Variants in GALNT13 observed in about 807,000 individuals in gnomAD.
GALNT13 encodes the protein UDP-GalNAc:polypeptide N-acetylgalactosaminyltransferase 13.
In GALNT13, 28 loss-of-function variants were observed where a neutral mutation model predicts 64.2. The observed-to-expected ratio is 0.44, with a 90% CI of 0.32 to 0.60. The LOEUF (loss-of-function observed/expected upper bound fraction) is 0.60, where lower values mean the gene tolerates loss of function less well. Among genes scored for constraint, GALNT13 ranks in the 20% least tolerant of loss-of-function variants. GALNT13 has a pLI of 0.05. For missense variants in GALNT13, 577 were observed against 669.8 expected (o/e 0.86, Z 1.53); for synonymous variants, 214 against 224.6 (o/e 0.95, Z 0.42).
chr2:153,759,249 A>G, the GALNT13 span, among the ~76,000 whole-genome samples: 1 of 152,160 alleles, frequency 6.6e-6, no homozygotes, highest in Non-Finnish European at 1.5e-5. Flanking sequence ...CCAAACATGA[A>G]CAATTTTCTT....
At chr2:154,210,945 T>TA (rs1687724872) in intron 4 of GALNT13, among the ~76,000 whole-genome samples, 1 of 152,142 alleles carries the variant, frequency 6.6e-6, no homozygotes, top group Non-Finnish European at 1.5e-5. Context: ...TTAATGAATG[T>TA]ATGTATTATT....
chr2:154,363,408 G>T (rs145532247), intron 9 of GALNT13, among the ~76,000 whole-genome samples: 3 of 152,216 alleles, frequency 2.0e-5, no homozygotes, highest in African/African-American at 7.2e-5. Flanking sequence ...TTATTCTGTG[G>T]ATTTCTGCAG....
At chr2:154,287,472 A>G (rs1692337662) in intron 8 of GALNT13, 1 of 358,464 alleles carries the variant, frequency 2.8e-6, no homozygotes, top group Non-Finnish European at 5.4e-6. Context: ...GCCACAGCCC[A>G]GTGATTCTTA....
the GALNT13 span, among the ~76,000 whole-genome samples, chr2:153,642,252 G>A: frequency 9.2e-5 from 14 of 151,754 alleles, no homozygotes; most frequent in Middle Eastern, 3.4e-3. Context: ...AGTATTTAAC[G>A]CTTTTCCAAG....
At chr2:153,569,852 C>T in the GALNT13 span, among the ~76,000 whole-genome samples, 1 of 152,098 alleles carries the variant, frequency 6.6e-6, no homozygotes, top group African/African-American at 2.4e-5. Context: ...ACTACCCTAC[C>T]CAGCCTGCAC....
At chr2:154,236,936 T>G (rs1053794487) in intron 4 of GALNT13, among the ~76,000 whole-genome samples, 1 of 152,064 alleles carries the variant, frequency 6.6e-6, no homozygotes, top group Non-Finnish European at 1.5e-5. Flanking sequence ...AATGCAAGAT[T>G]AAGGCACATT....
At chr2:154,400,557 T>C (rs888374072) in intron 10 of GALNT13, among the ~76,000 whole-genome samples, 1 of 152,162 alleles carries the variant, frequency 6.6e-6, no homozygotes, top group Non-Finnish European at 1.5e-5. Flanking sequence ...AAGTCAATAG[T>C]TATTGATATC....
At chr2:153,434,453 G>A in the GALNT13 span, among the ~76,000 whole-genome samples, 2 of 152,140 alleles carry the variant, frequency 1.3e-5, no homozygotes, top group Middle Eastern at 3.2e-3. Flanking sequence ...CCAACCATGT[G>A]AAAGTGTTCC....
the GALNT13 span, among the ~76,000 whole-genome samples, chr2:153,780,754 C>T: frequency 3.3e-5 from 5 of 152,044 alleles, no homozygotes; most frequent in Non-Finnish European, 5.9e-5. Context: ...AGCCTACTTT[C>T]CACTCAAATT....
intron 8 of GALNT13, among the ~76,000 whole-genome samples, chr2:154,298,476 A>G (rs1251537361): frequency 1.5e-5 from 2 of 134,174 alleles, no homozygotes; most frequent in Non-Finnish European, 3.1e-5. Flanking sequence ...TAAATTATAT[A>G]TAAATTATAT....
At chr2:154,088,357 T>TA (rs1179613647) in intron 3 of GALNT13, among the ~76,000 whole-genome samples, 1 of 152,190 alleles carries the variant, frequency 6.6e-6, no homozygotes, top group Non-Finnish European at 1.5e-5. Flanking sequence ...GTGTGTATTT[T>TA]AAAAAATGTT....
At chr2:154,339,438 A>G in intron 9 of GALNT13, among the ~76,000 whole-genome samples, 1 of 152,068 alleles carries the variant, frequency 6.6e-6, no homozygotes, top group East Asian at 1.9e-4. Context: ...TAACCCTGTG[A>G]TGTGCTTTAG....
chr2:154,203,009 T>C (rs960508132), intron 4 of GALNT13, among the ~76,000 whole-genome samples: 4 of 152,144 alleles, frequency 2.6e-5, no homozygotes, highest in African/African-American at 9.7e-5. Flanking sequence ...TTAATCTAGA[T>C]TTTATACACC....
chr2:153,765,994 C>T, the GALNT13 span, among the ~76,000 whole-genome samples: 7 of 152,144 alleles, frequency 4.6e-5, no homozygotes, highest in Non-Finnish European at 1.0e-4. Context: ...TCAATTAAAC[C>T]ACTTTACTTT....
intron 2 of GALNT13, among the ~76,000 whole-genome samples, chr2:153,934,438 T>C (rs905404656): frequency 2.0e-5 from 3 of 152,188 alleles, no homozygotes; most frequent in African/African-American, 7.2e-5. Flanking sequence ...TTACCTCACA[T>C]AAAAGCTAAA....
At position 153,872,169 on chromosome 2, in the gene GALNT13, G is replaced by C. The variant is rs1685993260; in HGVS notation, c.-311G>C. The C allele has an allele frequency of 6.6e-6, 1 of 150,990 alleles. No homozygotes were observed. The highest frequency in any genetic ancestry group is 2.4e-5 in the African/African-American group (1 of 41,200). The allele number at this position is 150,990 out of a possible 1,614,324, so 9.4% of individuals were successfully genotyped here. On this transcript the variant is annotated 5_prime_UTR_variant, in exon 1 of 13. Coordinates refer to ENST00000392825, the MANE Select transcript of GALNT13 (RefSeq NM_052917.4). ...CGCGCGGCGCTCGCGGGCCGGCGCGGGTTCCAGGTGAGCGCGGACTCGGCG... is the reference window on the plus strand; with the variant it reads ...CGCGCGGCGCTCGCGGGCCGGCGCGCGTTCCAGGTGAGCGCGGACTCGGCG...
At chr2:153,402,862 C>A in the GALNT13 span, among the ~76,000 whole-genome samples, 1 of 152,136 alleles carries the variant, frequency 6.6e-6, no homozygotes, top group Non-Finnish European at 1.5e-5. Flanking sequence ...ACTTCTTTGC[C>A]TTTGGTTTGA....
At chr2:154,168,560 T>C (rs1456553535) in intron 4 of GALNT13, among the ~76,000 whole-genome samples, 1 of 150,798 alleles carries the variant, frequency 6.6e-6, no homozygotes, top group Non-Finnish European at 1.5e-5. Context: ...TTTGGCCGGG[T>C]GTAGTGGCTC....
At chr2:153,677,700 C>T in the GALNT13 span, among the ~76,000 whole-genome samples, 1 of 151,948 alleles carries the variant, frequency 6.6e-6, no homozygotes, top group Admixed American at 6.6e-5. Context: ...GGTACTCTTA[C>T]AAAAATAGAC....
Sources: allele counts gnomAD v4.1 joint callset (sites outside exome capture counted in the v4.1 genomes callset), GRCh38; gene constraint gnomAD v4.1.1; transcripts MANE v1.5; gene names NCBI Gene and HGNC (gene_info 2026-07-23, HGNC 2026-07-21).